Variants in TAX1BP1 observed in about 807,000 individuals in gnomAD.
TAX1BP1 encodes the protein tax1-binding protein 1.
A neutral mutation model predicts 97.7 loss-of-function variants in TAX1BP1; 62 were observed. That is an observed-to-expected ratio of 0.63 (90% CI 0.52 to 0.78). The LOEUF (loss-of-function observed/expected upper bound fraction) is 0.78. Ranked by LOEUF, TAX1BP1 falls within the 30% of genes least tolerant of loss-of-function variation. TAX1BP1 has a pLI of 0.00. For missense variants in TAX1BP1, 867 were observed against 916.1 expected, an observed-to-expected ratio of 0.95 and a Z score of 0.69; for synonymous variants, 340 against 304.2, an observed-to-expected ratio of 1.12 and a Z score of -1.23.
At chr7:27,820,898 T>A (rs2128326136) in intron 15 of TAX1BP1, among the ~76,000 whole-genome samples, 1 of 152,312 alleles carries the variant, frequency 6.6e-6, no homozygotes, top group Middle Eastern at 3.4e-3. Flanking sequence ...TATTTCAGAT[T>A]TCAGATTTTT....
At chr7:27,768,335 T>A (rs992004791) in intron 4 of TAX1BP1, among the ~76,000 whole-genome samples, 9 of 152,036 alleles carry the variant, frequency 5.9e-5, no homozygotes, top group Non-Finnish European at 1.0e-4. Context: ...AAATTTTAAC[T>A]ATTTTGTATG....
At chr7:27,790,434 T>C (rs1789661735) in intron 8 of TAX1BP1, among the ~76,000 whole-genome samples, 1 of 152,012 alleles carries the variant, frequency 6.6e-6, no homozygotes, top group Admixed American at 6.6e-5. Context: ...GTATTTAAAT[T>C]TTGATAGTTA....
chr7:27,771,857 G>T (rs1475197888), intron 5 of TAX1BP1: 1 of 151,958 alleles, frequency 6.6e-6, no homozygotes, highest in Non-Finnish European at 1.5e-5. Context: ...GACCTGGAAT[G>T]GTACTTGATG....
At chr7:27,768,898 C>T (rs1024714421) in intron 4 of TAX1BP1, among the ~76,000 whole-genome samples, 1 of 151,864 alleles carries the variant, frequency 6.6e-6, no homozygotes, top group Non-Finnish European at 1.5e-5. Flanking sequence ...AACATTTTAC[C>T]AATTAAATGT....
Position 27,791,997 on chromosome 7 carries a change from T to G in TAX1BP1, c.1039-9T>G. The G allele has an allele frequency of 6.2e-7, 1 of 1,612,260 alleles. No homozygotes were observed. Among genetic ancestry groups the G allele is most frequent in the Non-Finnish European group, 8.5e-7 (1 of 1,178,674 alleles). ...TTGAATTACAAATATATTTATCTGC[T>G]TTCTTCAGGAAGATACTTGTTTTTT... On this transcript the variant is annotated splice_polypyrimidine_tract_variant and intron_variant, in intron 8 of 16. Coordinates refer to ENST00000396319, the MANE Select transcript of TAX1BP1 (RefSeq NM_006024.7).
In TAX1BP1 at chr7:27,829,155, G is replaced by A; in HGVS notation, c.*326G>A. 1 of 202,124 alleles carries A rather than the reference G, an allele frequency of 4.9e-6. No homozygotes were observed. Among genetic ancestry groups the A allele is most frequent in the East Asian group, 1.1e-4 (1 of 8,710 alleles). 12.5% of individuals were successfully genotyped at this position (202,124 alleles called of 1,614,324 possible). ...TGTTACTGCACTGAAAAACGTGTAT[G>A]TATTAGTGTGCTAGATTATTTAGCA... is the stretch of plus-strand genomic sequence containing the variant. On this transcript the variant is annotated 3_prime_UTR_variant, in exon 17 of 17. Transcript: ENST00000396319.
rs1788307792 is a variant in TAX1BP1, at chr7:27,758,488, C to T, written c.265+355C>T. 3 of 156,760 alleles carry T rather than the reference C, an allele frequency of 1.9e-5. No individual in the cohort carries two copies. The Admixed American group carries it at 1.9e-4, about 10-fold the overall frequency. The allele number at this position is 156,760 out of a possible 1,614,324, so 9.7% of individuals were successfully genotyped here. On this transcript the variant is annotated intron_variant, in intron 3 of 16. Transcript: ENST00000396319. ...AGAGGTGAGGAAAATAGTCCAGATG[C>T]AAACCACAAACATGATTAACAGAAC...
chr7:27,794,249 T>G, intron 10 of TAX1BP1, 74 bp from the exon 11 acceptor site: 1 of 1,261,902 alleles, frequency 7.9e-7, no homozygotes, highest in Non-Finnish European at 1.1e-6. Flanking sequence ...AAAATATTAT[T>G]TACTTAGTTA....
Position 27,761,528 on chromosome 7 carries a change from G to A in TAX1BP1, c.265+3395G>A, listed in dbSNP as rs955577822. On this transcript the variant is annotated intron_variant, in intron 3 of 16. Coordinates refer to ENST00000396319, the MANE Select transcript of TAX1BP1 (RefSeq NM_006024.7). ...TGGTAAAACCCTGGCAACCAGTGATGTTTTACTGTCCCCACAGTTTTGCCG... is the reference window on the plus strand; with the variant it reads ...TGGTAAAACCCTGGCAACCAGTGATATTTTACTGTCCCCACAGTTTTGCCG... Among the ~76,000 whole-genome samples the A allele has an allele frequency of 4.6e-5, 7 of 152,230 alleles. No individual in the cohort carries two copies. The East Asian group carries it at 1.3e-3, about 29-fold the overall frequency.
intron 4 of TAX1BP1, among the ~76,000 whole-genome samples, chr7:27,767,914 A>G (rs1788700827): frequency 6.6e-6 from 1 of 152,074 alleles, no homozygotes; most frequent in Non-Finnish European, 1.5e-5. Context: ...CACATTCATT[A>G]AAATCTTTAT....
At chr7:27,756,203 A>C (rs892501919) in intron 2 of TAX1BP1, among the ~76,000 whole-genome samples, 2 of 152,166 alleles carry the variant, frequency 1.3e-5, no homozygotes, top group African/African-American at 4.8e-5. Context: ...CCACTCTAGC[A>C]TACTTTCATG....
At chr7:27,750,029 G>T (rs62449640) in intron 2 of TAX1BP1, among the ~76,000 whole-genome samples, 34,397 of 152,048 alleles carry the variant, frequency 0.23, 4,966 homozygotes, top group East Asian at 0.52. Context: ...AGGCTTAAGT[G>T]ATCCTCCTGT....
Position 27,793,123 on chromosome 7 carries a change from CG to C in TAX1BP1, c.1322del (p.Arg441LeufsTer23). 6.2e-7 allele frequency: 1 copy of C among 1,604,902 alleles called. No individual in the cohort carries two copies. Among genetic ancestry groups the C allele is most frequent in the Non-Finnish European group, 8.5e-7 (1 of 1,177,230 alleles). Reference sequence around the variant, plus strand: ...AAGAGAAGTTGAAGATCTGAAACTCCGTCTTCAGATGGCTGCAGACCATTAT... The same window carrying C: ...AAGAGAAGTTGAAGATCTGAAACTCCTCTTCAGATGGCTGCAGACCATTAT... Reference protein sequence around the residue: ...LRREVEDLKLRLQMAADHYKE... With the variant: ...LRREVEDLKLXLQMAADHYKE... On this transcript the variant is annotated frameshift_variant, in exon 10 of 17. Coordinates refer to ENST00000396319, the MANE Select transcript of TAX1BP1 (RefSeq NM_006024.7). LOFTEE classifies it high-confidence loss of function.
intron 3 of TAX1BP1, among the ~76,000 whole-genome samples, chr7:27,761,363 G>C (rs1788418164): frequency 6.6e-6 from 1 of 152,028 alleles, no homozygotes; most frequent in Admixed American, 6.5e-5. Flanking sequence ...TTTACATCAG[G>C]GTTCACTGTG....
chr7:27,778,587 A>T (rs766859181), intron 5 of TAX1BP1, among the ~76,000 whole-genome samples: 88 of 152,160 alleles, frequency 5.8e-4, no homozygotes, highest in Non-Finnish European at 9.8e-4. Context: ...ACAATTGGCC[A>T]GGTGCGGTGG....
chr7:27,755,737 A>T (rs151184852), intron 2 of TAX1BP1, among the ~76,000 whole-genome samples: 1 of 152,314 alleles, frequency 6.6e-6, no homozygotes, highest in African/African-American at 2.4e-5. Context: ...AGTATGTGAC[A>T]TATTCATTGC....
chr7:27,745,103 C>CT (rs1163946294), intron 1 of TAX1BP1, among the ~76,000 whole-genome samples: 8 of 152,162 alleles, frequency 5.3e-5, no homozygotes, highest in African/African-American at 1.9e-4. Flanking sequence ...TACTATACTC[C>CT]TGTTTGTAGA....
chr7:27,752,282 G>A (rs137857175), intron 2 of TAX1BP1, among the ~76,000 whole-genome samples: 36 of 152,320 alleles, frequency 2.4e-4, no homozygotes, highest in South Asian at 6.2e-4. Context: ...ATCTCAGTAA[G>A]GAGGAGCAAG....
At position 27,816,439 on chromosome 7, in the gene TAX1BP1, CA is replaced by C. The variant is rs763636833; in HGVS notation, c.1859del (p.Asn620MetfsTer69). 1.3e-6 allele frequency: 2 copies of C among 1,571,246 alleles called. No homozygotes were observed. The highest frequency in any genetic ancestry group is 1.7e-6 in the Non-Finnish European group (2 of 1,167,366). On this transcript the variant is annotated frameshift_variant, in exon 14 of 17. Coordinates refer to ENST00000396319, the MANE Select transcript of TAX1BP1 (RefSeq NM_006024.7). LOFTEE classifies it high-confidence loss of function. The stretch of plus-strand genomic sequence containing the variant: ...TCAATGTTTCAAAACATGCTCAGAG[CA>C]AAATGGTTATGTTCTCACATTGTCA... ...SPQCFKTCSE[Q>X]NGYVLTLSNA... is the part of the protein sequence containing the mutation.
Sources: allele counts gnomAD v4.1 joint callset (sites outside exome capture counted in the v4.1 genomes callset), GRCh38; gene constraint gnomAD v4.1.1; transcripts MANE v1.5; gene names NCBI Gene and HGNC (gene_info 2026-07-23, HGNC 2026-07-21).